The following LRBA variants were observed in gnomAD, a reference collection of about 807,000 sequenced individuals.
LRBA encodes the protein lipopolysaccharide-responsive and beige-like anchor protein.
Under a neutral mutation model 330.0 loss-of-function variants are expected in LRBA, and 176 were observed. That is an observed-to-expected ratio of 0.53 (90% CI 0.47 to 0.60). LRBA has a LOEUF of 0.60. Ranked by LOEUF, LRBA falls within the 20% of genes least tolerant of loss-of-function variation. LRBA has a pLI of 0.00. For synonymous variants in LRBA, 1,230 were observed against 1,193.0 expected, an observed-to-expected ratio of 1.03 and a Z score of -0.64; for missense variants, 3,259 against 3,444.8, an observed-to-expected ratio of 0.95 and a Z score of 1.35.
intron 35 of LRBA, among the ~76,000 whole-genome samples, chr4:150,739,279 C>T (rs913031686): frequency 6.6e-6 from 1 of 151,988 alleles, no homozygotes; most frequent in Non-Finnish European, 1.5e-5. Context: ...TTAACCTGAC[C>T]TGACTGACAT....
intron 55 of LRBA, among the ~76,000 whole-genome samples, chr4:150,278,876 G>A (rs1325206131): frequency 2.0e-5 from 3 of 151,658 alleles, no homozygotes; most frequent in Non-Finnish European, 4.4e-5. Flanking sequence ...CCAGGCTGGA[G>A]TGCAGTGGCG....
intron 35 of LRBA, among the ~76,000 whole-genome samples, chr4:150,760,554 A>AACACACAC (rs143415433): frequency 6.8e-6 from 1 of 147,934 alleles, no homozygotes; most frequent in African/African-American, 2.5e-5. Context: ...ACACCTCTCC[A>AACACACAC]ACACACACAC....
Position 150,995,810 on chromosome 4 carries a change from C to A in LRBA, c.216+18617G>T, listed in dbSNP as rs752138807. 3.8e-4 allele frequency among the ~76,000 whole-genome samples: 57 copies of A among 151,972 alleles called. 1 individual carries two copies. The highest frequency in any genetic ancestry group is 1.0e-4 in the Non-Finnish European group (7 of 68,006). ...AATATTATTTATTATCCCATAATTTCTATTGGAAAAATTTGGATATTAGAA... is the reference window on the plus strand; with the variant it reads ...AATATTATTTATTATCCCATAATTTATATTGGAAAAATTTGGATATTAGAA... On this transcript the variant is annotated intron_variant, in intron 2 of 56. Transcript: ENST00000651943.
chr4:150,366,171 G>A (rs192663764), intron 47 of LRBA, among the ~76,000 whole-genome samples: 1 of 152,088 alleles, frequency 6.6e-6, no homozygotes, highest in Non-Finnish European at 1.5e-5. Context: ...CAAAGAATAA[G>A]GCTGTTTTGA....
intron 34 of LRBA, among the ~76,000 whole-genome samples, chr4:150,784,114 A>T (rs1210076754): frequency 2.6e-5 from 4 of 152,256 alleles, no homozygotes; most frequent in Non-Finnish European, 4.4e-5. Flanking sequence ...AAGAAATTGT[A>T]TATATTTATA....
chr4:150,607,227 G>A (rs1318626002), intron 37 of LRBA, among the ~76,000 whole-genome samples: 1 of 152,112 alleles, frequency 6.6e-6, no homozygotes, highest in African/African-American at 2.4e-5. Context: ...GACAGCATCA[G>A]GCTTTCACAA....
At chr4:150,579,577 T>C in intron 40 of LRBA, 1 of 437,856 alleles carries the variant, frequency 2.3e-6, no homozygotes, top group Non-Finnish European at 4.6e-6. Context: ...TGTAACGTTT[T>C]ATCATCCTTC....
At chr4:150,927,078 G>GAA (rs1340151435) in intron 4 of LRBA, among the ~76,000 whole-genome samples, 2 of 107,106 alleles carry the variant, frequency 1.9e-5, no homozygotes, top group Admixed American at 9.9e-5. Flanking sequence ...TCAAAAGAAA[G>GAA]AAAAAAAAAA....
At chr4:150,953,783 C>A (rs1306680675) in intron 2 of LRBA, among the ~76,000 whole-genome samples, 1 of 151,388 alleles carries the variant, frequency 6.6e-6, no homozygotes, top group Non-Finnish European at 1.5e-5. Flanking sequence ...CCGGCCGCCA[C>A]CCCGTCTAGG....
chr4:150,808,429 T>A, intron 31 of LRBA, 31 bp from the exon 32 acceptor site: 1 of 1,273,602 alleles, frequency 7.9e-7, no homozygotes. Context: ...TCTATAGGAA[T>A]TTTCTGCTTT....
chr4:150,499,915 CAG>C (rs952009989), intron 40 of LRBA, among the ~76,000 whole-genome samples: 16 of 151,716 alleles, frequency 1.1e-4, no homozygotes, highest in African/African-American at 3.9e-4. Flanking sequence ...AAAAGTAAAA[CAG>C]AGGATACTAG....
At chr4:150,267,122 A>C (rs1478361936) in intron 56 of LRBA, among the ~76,000 whole-genome samples, 1 of 152,232 alleles carries the variant, frequency 6.6e-6, no homozygotes, top group East Asian at 1.9e-4. Context: ...CCCACTTTCA[A>C]TAATGGGTGG....
At chr4:150,887,099 T>A (rs1729019078) in intron 17 of LRBA, among the ~76,000 whole-genome samples, 1 of 152,212 alleles carries the variant, frequency 6.6e-6, no homozygotes, top group Non-Finnish European at 1.5e-5. Context: ...GCATATAATA[T>A]GTACAATTAT....
chr4:150,338,423 G>A (rs1451436503), intron 48 of LRBA, among the ~76,000 whole-genome samples: 2 of 152,092 alleles, frequency 1.3e-5, no homozygotes, highest in Admixed American at 6.5e-5. Flanking sequence ...TTATAACAAA[G>A]TACAAGATGA....
At chr4:150,291,270 T>G (rs1728256032) in intron 53 of LRBA, among the ~76,000 whole-genome samples, 1 of 136,046 alleles carries the variant, frequency 7.4e-6, no homozygotes, top group Non-Finnish European at 1.6e-5. Context: ...GAAACTACCA[T>G]CAGAGTGAAC....
Position 150,590,752 on chromosome 4 carries a change from G to A in LRBA, c.6154C>T (p.Leu2052=), listed in dbSNP as rs1424902216. The A allele has an allele frequency of 6.2e-7, 1 of 1,613,858 alleles. No homozygotes were observed. The highest frequency in any genetic ancestry group is 8.5e-7 in the Non-Finnish European group (1 of 1,179,904). ...AAATCTTTCTCATCCACGGATGACAGAGTATCATCATCGCCTTCCAGGAGG... is the reference window on the plus strand; with the variant it reads ...AAATCTTTCTCATCCACGGATGACAAAGTATCATCATCGCCTTCCAGGAGG... ...EILLEGDDDT[L]SSVDEKDLEN... The change falls in exon 39 of 57, where the codon CTG becomes TTG. Residue 2052 remains leucine (L), a synonymous_variant. Coordinates refer to ENST00000651943, the MANE Select transcript of LRBA (RefSeq NM_001364905.1).
intron 44 of LRBA, among the ~76,000 whole-genome samples, chr4:150,455,894 T>G (rs1753995201): frequency 6.6e-6 from 1 of 152,136 alleles, no homozygotes; most frequent in African/African-American, 2.4e-5. Context: ...GATTTTTAGA[T>G]CCTCACAAGT....
intron 36 of LRBA, among the ~76,000 whole-genome samples, chr4:150,702,702 G>A (rs1464418581): frequency 1.3e-5 from 2 of 151,934 alleles, no homozygotes; most frequent in Non-Finnish European, 2.9e-5. Context: ...CTGCAAAAAC[G>A]ATTTTACAAC....
intron 40 of LRBA, among the ~76,000 whole-genome samples, chr4:150,514,964 C>T (rs1762189196): frequency 6.6e-6 from 1 of 152,124 alleles, no homozygotes. Flanking sequence ...TCATAGCTAA[C>T]CTTTATCTCG....
Sources: gnomAD v4.1 joint callset for allele counts (sites outside exome capture counted in the v4.1 genomes callset) on GRCh38, gnomAD v4.1.1 for gene constraint, MANE v1.5 for transcripts, NCBI Gene and HGNC (gene_info 2026-07-23, HGNC 2026-07-21) for gene names.